Variants in MASTL observed in about 807,000 individuals in gnomAD.
MASTL encodes the protein microtubule associated serine/threonine kinase like.
Under a neutral mutation model 82.5 loss-of-function variants are expected in MASTL, and 54 were observed. The observed-to-expected ratio is 0.65, with a 90% CI of 0.53 to 0.82. MASTL has a LOEUF of 0.82. MASTL is among the 40% of genes least tolerant of loss of function. The probability of loss-of-function intolerance (pLI) is 0.00; values close to 1 mark genes in which losing one functional copy is unlikely to be tolerated. For synonymous variants in MASTL, 323 were observed against 368.9 expected, an observed-to-expected ratio of 0.88 and a Z score of 1.43; for missense variants, 950 against 1,047.8, an observed-to-expected ratio of 0.91 and a Z score of 1.29.
chr10:27,165,078 G>A lies in MASTL; in HGVS notation c.568G>A (p.Asp190Asn). 1 of 1,595,332 alleles carries A rather than the reference G, an allele frequency of 6.3e-7. No individual in the cohort carries two copies. Among genetic ancestry groups the A allele is most frequent in the South Asian group, 1.1e-5 (1 of 90,694 alleles). Residue 190 changes from aspartate to asparagine, a missense_variant, in exon 5 of 12, where the codon GAT becomes AAT. Coordinates refer to ENST00000375940, the MANE Select transcript of MASTL (RefSeq NM_001172303.3). Reference protein sequence around the residue: ...VTLNRDINMMDILTTPSMAKP... With the variant: ...VTLNRDINMMNILTTPSMAKP... ...TGCATACATAGATATTAATATGATG[G>A]ATATCCTTACAACACCATCAATGGC... is the stretch of plus-strand genomic sequence containing the variant.
rs1393540556 is a variant in MASTL at position 27,173,123 on chromosome 10, C to T, written c.2130C>T (p.Thr710=). 1 of 1,613,858 alleles carries T rather than the reference C, an allele frequency of 6.2e-7. No homozygotes were observed. Among genetic ancestry groups the T allele is most frequent in the South Asian group, 1.1e-5 (1 of 91,066 alleles). Residue 710 remains threonine (T), a synonymous_variant, in exon 9 of 12, where the codon ACC becomes ACT. Coordinates refer to ENST00000375940, the MANE Select transcript of MASTL (RefSeq NM_001172303.3). ...TTAAACCCTTTTTGAATTAGCAGAC[C>T]CCAAATCAGATCAAGTCGGGAACTC... The part of the protein sequence containing the change: ...KRRSCMPHQQ[T]PNQIKSGTPY...
At chr10:27,158,764 T>G (rs541206392) in intron 2 of MASTL, 78 bp downstream of exon 2, 1 of 1,504,806 alleles carries the variant, frequency 6.6e-7, no homozygotes, top group African/African-American at 1.4e-5. Flanking sequence ...AACCATGTTT[T>G]GGTTCAGAGT....
At position 27,155,565 on chromosome 10, in the gene MASTL, G is replaced by A. The variant is rs754983390; in HGVS notation, c.139G>A (p.Gly47Arg). 3 of 1,614,156 alleles carry A rather than the reference G, an allele frequency of 1.9e-6. No homozygotes were observed. The highest frequency in any genetic ancestry group is 2.5e-6 in the Non-Finnish European group (3 of 1,179,996). ...IVKPISRGAF[G>R]KVYLGQKGGK... The stretch of plus-strand genomic sequence containing the variant: ...GAAGCCCATTAGCCGGGGCGCCTTC[G>A]GGAAAGTGTATCTGGGGCAGAAAGG... The change falls in exon 1 of 12, where the codon GGG becomes AGG. Residue 47 changes from glycine (G) to arginine (R), a missense_variant. Gly to Arg is a moderately radical substitution (Grantham distance 125). Coordinates refer to ENST00000375940, the MANE Select transcript of MASTL (RefSeq NM_001172303.3).
chr10:27,165,334 A>C (rs2057706813), intron 5 of MASTL, 55 bp from the exon 6 acceptor site: 1 of 1,567,374 alleles, frequency 6.4e-7, no homozygotes, highest in Non-Finnish European at 8.8e-7. Flanking sequence ...CTATGTACTT[A>C]GGTGGTGTTT....
rs1490655119 is a variant in MASTL, at chr10:27,167,126, C to G, written c.836C>G (p.Pro279Arg). 4.3e-6 allele frequency: 7 copies of G among 1,613,842 alleles called. No individual in the cohort carries two copies. Among genetic ancestry groups the G allele is most frequent in the Non-Finnish European group, 5.9e-6 (7 of 1,179,926 alleles). Residue 279 changes from proline (P) to arginine (R), a missense_variant, in exon 7 of 12, where the codon CCA becomes CGA. Transcript: ENST00000375940. The part of the protein sequence containing the change: ...KSCLETVASN[P>R]GMPVKCLTSN... ...GGTCTTGAAACAGTTGCCTCCAACCCAGGAATGCCTGTGAAGTGTCTAACT... is the reference window on the plus strand; with the variant it reads ...GGTCTTGAAACAGTTGCCTCCAACCGAGGAATGCCTGTGAAGTGTCTAACT...
rs186072053 is a variant in MASTL, at chr10:27,167,124, C to G, written c.834C>G (p.Asn278Lys). 54 of 1,614,024 alleles carry G rather than the reference C, an allele frequency of 3.3e-5. No individual in the cohort carries two copies. The African/African-American group carries it at 5.3e-4, about 16-fold the overall frequency. The change falls in exon 7 of 12, where the codon AAC becomes AAG. Residue 278 changes from asparagine to lysine, a missense_variant. Asn to Lys is a moderately conservative substitution (Grantham distance 94, BLOSUM62 0). Transcript: ENST00000375940. Reference protein sequence around the residue: ...LKSCLETVASNPGMPVKCLTS... With the variant: ...LKSCLETVASKPGMPVKCLTS... ...TAGGTCTTGAAACAGTTGCCTCCAACCCAGGAATGCCTGTGAAGTGTCTAA... is the reference window on the plus strand; with the variant it reads ...TAGGTCTTGAAACAGTTGCCTCCAAGCCAGGAATGCCTGTGAAGTGTCTAA...
upstream of MASTL, chr10:27,155,312 G>A: frequency 9.7e-7 from 1 of 1,034,364 alleles, no homozygotes; most frequent in Non-Finnish European, 1.4e-6. Flanking sequence ...GCGCGGCGGC[G>A]GGGTGACGTC....
chr10:27,172,911 T>A (rs2057995486), intron 8 of MASTL, among the ~76,000 whole-genome samples: 1 of 152,200 alleles, frequency 6.6e-6, no homozygotes, highest in Non-Finnish European at 1.5e-5. Context: ...CAGTGTTGTC[T>A]AAGCTTTTGA....
rs2057907472 is a variant in MASTL at position 27,170,826 on chromosome 10, G to T, written c.1867G>T (p.Val623Phe). Residue 623 changes from valine to phenylalanine, a missense_variant, in exon 8 of 12, where the codon GTC becomes TTC. Coordinates refer to ENST00000375940, the MANE Select transcript of MASTL (RefSeq NM_001172303.3). ...DCQEKTSPKG[V>F]ENPAVQESNQ... ...CCAAGAAAAGACCTCACCAAAAGGTGTCGAGAACCCTGCTGTACAAGAGAG... is the reference window on the plus strand; with the variant it reads ...CCAAGAAAAGACCTCACCAAAAGGTTTCGAGAACCCTGCTGTACAAGAGAG... 6.2e-7 allele frequency: 1 copy of T among 1,614,068 alleles called. No homozygotes were observed. Among genetic ancestry groups the T allele is most frequent in the African/African-American group, 1.3e-5 (1 of 74,942 alleles).
intron 9 of MASTL, among the ~76,000 whole-genome samples, chr10:27,177,225 T>C (rs2058130041): frequency 6.6e-6 from 1 of 152,164 alleles, no homozygotes; most frequent in African/African-American, 2.4e-5. Flanking sequence ...TAATAATCTC[T>C]ACAATATTGG....
chr10:27,175,440 C>A (rs2058074297), intron 9 of MASTL, among the ~76,000 whole-genome samples: 2 of 152,104 alleles, frequency 1.3e-5, no homozygotes, highest in African/African-American at 4.8e-5. Context: ...CCTTGGCCTT[C>A]TGAAGTGCTG....
intron 9 of MASTL, among the ~76,000 whole-genome samples, chr10:27,178,557 G>A (rs7919316): frequency 0.6 from 91,260 of 151,466 alleles, 27,752 homozygotes; most frequent in Non-Finnish European, 0.65. Flanking sequence ...AAACAAATCT[G>A]TTCTTTTTCT....
chr10:27,166,990 A>T lies in MASTL; in HGVS notation c.812-112A>T, dbSNP rs1588676822. The T allele has an allele frequency of 4.7e-5, 6 of 126,830 alleles. 1 individual carries two copies. The highest frequency in any genetic ancestry group is 3.4e-4 in the African/African-American group (4 of 11,728). The allele number at this position is 126,830 out of a possible 1,614,324, so 7.9% of individuals were successfully genotyped here. ...ATAGTTCTGATATGTAATTCTTAAT[A>T]CATATTAATATGTAATTCTTGATAC... On this transcript the variant is annotated intron_variant, in intron 6 of 11. Coordinates refer to ENST00000375940, the MANE Select transcript of MASTL (RefSeq NM_001172303.3).
rs1337973861 is a variant in MASTL at position 27,161,187 on chromosome 10, G to A, written c.553+5G>A. ...CAAAAGTTACTTTGAATAGAGGTAA[G>A]AAAAATATCAAGTAAGTACTTTTTT... On this transcript the variant is annotated splice_donor_5th_base_variant and intron_variant, in intron 4 of 11. Transcript: ENST00000375940. 6.7e-7 allele frequency: 1 copy of A among 1,500,934 alleles called. No homozygotes were observed. The highest frequency in any genetic ancestry group is 9.3e-7 in the Non-Finnish European group (1 of 1,077,254). 93.0% of individuals were successfully genotyped at this position (1,500,934 alleles called of 1,614,324 possible).
At chr10:27,178,555 C>A (rs2058175112) in intron 9 of MASTL, among the ~76,000 whole-genome samples, 1 of 151,992 alleles carries the variant, frequency 6.6e-6, no homozygotes, top group Admixed American at 6.6e-5. Context: ...TAAAACAAAT[C>A]TGTTCTTTTT....
chr10:27,180,457 T>C (rs1173460497), intron 9 of MASTL, among the ~76,000 whole-genome samples: 1 of 152,168 alleles, frequency 6.6e-6, no homozygotes, highest in Non-Finnish European at 1.5e-5. Context: ...AGTGGCGTGA[T>C]CTCGGCTCAC....
chr10:27,162,245 A>G (rs1444797873), intron 4 of MASTL, among the ~76,000 whole-genome samples: 1 of 152,258 alleles, frequency 6.6e-6, no homozygotes, highest in Non-Finnish European at 1.5e-5. Context: ...AAATTGTTCA[A>G]ATGAACAAAA....
In MASTL at chr10:27,186,593, T is replaced by C; in HGVS notation, c.*57T>C. The C allele has an allele frequency of 7.1e-7, 1 of 1,401,052 alleles. No individual in the cohort carries two copies. The highest frequency in any genetic ancestry group is 1.0e-6 in the Non-Finnish European group (1 of 984,804). The allele number at this position is 1,401,052 out of a possible 1,614,324, so 86.8% of individuals were successfully genotyped here. A position where few individuals can be genotyped will look rare whatever the true frequency, so the allele number is the denominator to read the frequency against. ...GTTATAGAATGAACTTGCATAATTA[T>C]ATACTCCTTAATACTAGATTGATCT... On this transcript the variant is annotated 3_prime_UTR_variant, in exon 12 of 12. Coordinates refer to ENST00000375940, the MANE Select transcript of MASTL (RefSeq NM_001172303.3).
intron 11 of MASTL, among the ~76,000 whole-genome samples, chr10:27,184,541 A>G (rs2058532493): frequency 6.8e-6 from 1 of 147,376 alleles, no homozygotes; most frequent in South Asian, 2.1e-4. Context: ...AAACACTATC[A>G]CATATAAGAA....
Sources: gnomAD v4.1 joint callset for allele counts (sites outside exome capture counted in the v4.1 genomes callset) on GRCh38, gnomAD v4.1.1 for gene constraint, MANE v1.5 for transcripts, NCBI Gene and HGNC (gene_info 2026-07-23, HGNC 2026-07-21) for gene names.